Variants in CDH13 observed in about 807,000 individuals in gnomAD.
CDH13 encodes the protein cadherin-13.
A neutral mutation model predicts 63.8 loss-of-function variants in CDH13; 24 were observed. That is an observed-to-expected ratio of 0.38 (90% CI 0.27 to 0.53). The LOEUF is 0.53. Among genes scored for constraint, CDH13 ranks in the 20% least tolerant of loss-of-function variants. The probability of loss-of-function intolerance (pLI) is 0.85; values close to 1 mark genes in which losing one functional copy is unlikely to be tolerated. For missense variants in CDH13, 1,049 were observed against 903.1 expected, an observed-to-expected ratio of 1.16 and a Z score of -2.07; for synonymous variants, 503 against 355.3, an observed-to-expected ratio of 1.42 and a Z score of -4.67.
At chr16:83,436,332 G>A (rs1020030721) in intron 6 of CDH13, among the ~76,000 whole-genome samples, 20 of 152,076 alleles carry the variant, frequency 1.3e-4, no homozygotes, top group African/African-American at 4.8e-4. Flanking sequence ...AATTCTGAAG[G>A]AGTTGTCTTT....
intron 6 of CDH13, among the ~76,000 whole-genome samples, chr16:83,419,861 A>G (rs1331644149): frequency 6.6e-6 from 1 of 152,078 alleles, no homozygotes; most frequent in Non-Finnish European, 1.5e-5. Flanking sequence ...AAACTGTATT[A>G]CACATTCAGC....
intron 5 of CDH13, among the ~76,000 whole-genome samples, chr16:83,304,491 T>C (rs1479283887): frequency 3.3e-5 from 5 of 152,072 alleles, no homozygotes; most frequent in African/African-American, 9.7e-5. Context: ...AAAATAGATA[T>C]GGGAAAATCA....
chr16:83,506,241 C>G (rs1419231516), intron 7 of CDH13, among the ~76,000 whole-genome samples: 1 of 152,124 alleles, frequency 6.6e-6, no homozygotes, highest in Non-Finnish European at 1.5e-5. Flanking sequence ...TAGACAAGCT[C>G]CTCTGTATCC....
intron 6 of CDH13, among the ~76,000 whole-genome samples, chr16:83,416,163 A>C (rs1424182): frequency 0.14 from 21,405 of 152,228 alleles, 1,985 homozygotes; most frequent in Non-Finnish European, 0.2. Flanking sequence ...ACCAAAAAGA[A>C]TAAAATACAC....
intron 5 of CDH13, among the ~76,000 whole-genome samples, chr16:83,266,768 C>T (rs762358223): frequency 5.9e-5 from 9 of 152,192 alleles, no homozygotes; most frequent in Non-Finnish European, 1.0e-4. Flanking sequence ...TTCATGGAGG[C>T]TTATGAAGTA....
intron 1 of CDH13, among the ~76,000 whole-genome samples, chr16:82,642,300 G>C (rs1188478581): frequency 6.6e-6 from 1 of 152,190 alleles, no homozygotes; most frequent in African/African-American, 2.4e-5. Context: ...GGCAAACACA[G>C]TTGTCATTAG....
chr16:83,323,838 G>C (rs2090295900), intron 5 of CDH13, among the ~76,000 whole-genome samples: 1 of 152,050 alleles, frequency 6.6e-6, no homozygotes, highest in Non-Finnish European at 1.5e-5. Context: ...ACATGTTTCA[G>C]AAGGATCTTC....
chr16:82,792,184 T>C (rs533294046), intron 1 of CDH13, among the ~76,000 whole-genome samples: 10 of 152,252 alleles, frequency 6.6e-5, no homozygotes, highest in African/African-American at 2.4e-4. Flanking sequence ...CAATTCCAGA[T>C]AAGAGATGAT....
chr16:83,168,634 C>G (rs2037789904), intron 4 of CDH13, among the ~76,000 whole-genome samples: 1 of 151,744 alleles, frequency 6.6e-6, no homozygotes, highest in African/African-American at 2.4e-5. Flanking sequence ...TGTAATTTCC[C>G]CACTCAGAGA....
At position 83,125,532 on chromosome 16, in the gene CDH13, C is replaced by T. The variant is rs749748090; in HGVS notation, c.483+31C>T. The T allele has an allele frequency of 2.5e-6, 3 of 1,214,018 alleles. No individual in the cohort carries two copies. In the South Asian group the frequency reaches 3.7e-5, roughly 15 times the overall value. 75.2% of individuals were successfully genotyped at this position (1,214,018 alleles called of 1,614,324 possible). ...TCAGACAAACAGCAAATGACAAAAA[C>T]ATGTTTTTATGAAAAGATGAGCACA... On this transcript the variant is annotated intron_variant, in intron 4 of 13. Coordinates refer to ENST00000567109, the MANE Select transcript of CDH13 (RefSeq NM_001257.5).
chr16:83,169,726 C>T (rs1340403328), intron 4 of CDH13, among the ~76,000 whole-genome samples: 1 of 151,898 alleles, frequency 6.6e-6, no homozygotes, highest in Non-Finnish European at 1.5e-5. Flanking sequence ...TCTTTTATGC[C>T]AGCTAGTTAT....
At chr16:83,176,481 G>A (rs923699672) in intron 4 of CDH13, among the ~76,000 whole-genome samples, 61 of 136,368 alleles carry the variant, frequency 4.5e-4, no homozygotes, top group African/African-American at 1.6e-3. Context: ...CTGCACTCCA[G>A]CCTGGGTGAC....
intron 2 of CDH13, among the ~76,000 whole-genome samples, chr16:82,906,880 T>C (rs1243097577): frequency 1.3e-5 from 2 of 152,172 alleles, no homozygotes; most frequent in East Asian, 3.9e-4. Context: ...TGTCTGTGTG[T>C]CCTCATGTGT....
chr16:83,135,693 G>A (rs1030032452), intron 4 of CDH13, among the ~76,000 whole-genome samples: 1 of 152,148 alleles, frequency 6.6e-6, no homozygotes, highest in African/African-American at 2.4e-5. Context: ...CAGAGGAAAA[G>A]AAGTCATTAT....
intron 1 of CDH13, among the ~76,000 whole-genome samples, chr16:82,784,447 G>T (rs115155319): frequency 0.011 from 1,626 of 152,170 alleles, 36 homozygotes; most frequent in African/African-American, 0.037. Flanking sequence ...AAGGGACAGC[G>T]AATGCTCTCC....
intron 6 of CDH13, among the ~76,000 whole-genome samples, chr16:83,422,959 T>G (rs1450322175): frequency 6.6e-6 from 1 of 152,194 alleles, no homozygotes; most frequent in Admixed American, 6.5e-5. Flanking sequence ...TAAAACACTA[T>G]GCCAAATACT....
chr16:83,286,366 C>T (rs771869251), intron 5 of CDH13, among the ~76,000 whole-genome samples: 6 of 152,168 alleles, frequency 3.9e-5, no homozygotes, highest in Non-Finnish European at 8.8e-5. Flanking sequence ...CATCTGCTAG[C>T]CCCTGTGGTA....
intron 6 of CDH13, among the ~76,000 whole-genome samples, chr16:83,368,594 T>A (rs2091298283): frequency 6.6e-6 from 1 of 151,948 alleles, no homozygotes; most frequent in Non-Finnish European, 1.5e-5. Context: ...TTAGCCGTGA[T>A]TTCTGAGATT....
At chr16:83,526,474 C>G (rs929851738) in intron 7 of CDH13, among the ~76,000 whole-genome samples, 1 of 152,170 alleles carries the variant, frequency 6.6e-6, no homozygotes. Context: ...CAAGCTAGAT[C>G]CCTTGCATGC....
Sources: gnomAD v4.1 joint callset for allele counts (sites outside exome capture counted in the v4.1 genomes callset) on GRCh38, gnomAD v4.1.1 for gene constraint, MANE v1.5 for transcripts, NCBI Gene and HGNC (gene_info 2026-07-23, HGNC 2026-07-21) for gene names.